Variants in ANO7 observed in about 807,000 individuals in gnomAD.
The protein encoded by ANO7 is anoctamin 7.
A neutral mutation model predicts 115.8 loss-of-function variants in ANO7; 114 were observed. The observed-to-expected ratio is 0.98, with a 90% CI of 0.85 to 1.15. The LOEUF (loss-of-function observed/expected upper bound fraction) is 1.15, where lower values mean the gene tolerates loss of function less well. Among genes scored for constraint, ANO7 ranks in the 50% most tolerant of loss-of-function variants. ANO7 has a pLI of 0.00. For missense variants in ANO7, 1,302 were observed against 1,201.2 expected (o/e 1.08, Z -1.24); for synonymous variants, 550 against 498.2 (o/e 1.10, Z -1.38).
At chr2:241,239,550 G>GT in the ANO7 span, 1 of 1,469,926 alleles carries the variant, frequency 6.8e-7, no homozygotes, top group Non-Finnish European at 9.5e-7. The surrounding 1 kb of genome is among the most constrained non-coding windows in gnomAD (Gnocchi z 4.6). Flanking sequence ...CACGGCTTCG[G>GT]TGAGTGGCCA....
In ANO7 at chr2:241,204,878, C is replaced by G. The variant is rs1262365723; in HGVS notation, c.903C>G (p.Gly301=). The part of the protein sequence containing the change: ...LYFAWLGFYT[G]WLLPAAVVGT... ...TCCTCTCTACAGGGTTTTACACAGG[C>G]TGGCTCCTGCCAGCGGCAGTGGTGG... The change falls in exon 10 of 25, where the codon GGC becomes GGG. Residue 301 remains glycine, a synonymous_variant. Coordinates refer to ENST00000674324, the MANE Select transcript of ANO7 (RefSeq NM_001370694.2). 1 of 1,613,686 alleles carries G rather than the reference C, an allele frequency of 6.2e-7. No homozygotes were observed. Among genetic ancestry groups the G allele is most frequent in the East Asian group, 2.2e-5 (1 of 44,882 alleles).
chr2:241,212,787 C>CCT, intron 17 of ANO7, 161 bp downstream of exon 17: 1 of 705,326 alleles, frequency 1.4e-6, no homozygotes, highest in South Asian at 1.8e-5. Flanking sequence ...GGGCTCCCAG[C>CCT]CTCTCTTCAC....
chr2:241,232,143 C>T, the ANO7 span, among the ~76,000 whole-genome samples: 4 of 152,196 alleles, frequency 2.6e-5, no homozygotes, highest in African/African-American at 9.7e-5. Context: ...GCACCACCCG[C>T]GTGCTGCCAG....
rs1378958788 is a variant in ANO7, at chr2:241,224,121, A to T, written c.2608A>T (p.Thr870Ser). Reference protein sequence around the residue: ...SELSSHWTPFTVPKASQLQQ With the variant: ...SELSSHWTPFSVPKASQLQQ ...GCTCAGCTCCCACTGGACACCCTTCACGGTTCCCAAGGCCAGCCAGCTGCA... is the reference window on the plus strand; with the variant it reads ...GCTCAGCTCCCACTGGACACCCTTCTCGGTTCCCAAGGCCAGCCAGCTGCA... Residue 870 changes from threonine (T) to serine (S), a missense_variant, in exon 25 of 25, where the codon ACG becomes TCG. Transcript: ENST00000674324. 4 of 1,613,548 alleles carry T rather than the reference A, an allele frequency of 2.5e-6. No homozygotes were observed. The African/African-American group carries it at 5.3e-5, about 22-fold the overall frequency.
the ANO7 span, chr2:241,233,698 G>C: frequency 9.5e-7 from 1 of 1,052,438 alleles, no homozygotes; most frequent in Non-Finnish European, 1.4e-6. This position sits in a 1 kb window ranked among gnomAD's most constrained non-coding sequence, Gnocchi z 4.3. Context: ...GGTCCTGAGA[G>C]ACTTGCCACT....
At chr2:241,213,275 G>A (rs1458169840) in intron 17 of ANO7, among the ~76,000 whole-genome samples, 2 of 151,888 alleles carry the variant, frequency 1.3e-5, no homozygotes, top group African/African-American at 2.4e-5. Context: ...CAGGCTTGGC[G>A]TGCTGCCGCC....
Position 241,188,684 on chromosome 2 carries a change from A to G in ANO7, c.-90A>G, listed in dbSNP as rs1483054952. 1 of 1,613,056 alleles carries G rather than the reference A, an allele frequency of 6.2e-7. No homozygotes were observed. Among genetic ancestry groups the G allele is most frequent in the Middle Eastern group, 1.7e-4 (1 of 6,058 alleles). On this transcript the variant is annotated 5_prime_UTR_variant, in exon 1 of 25. Transcript: ENST00000674324. The surrounding 1 kb of genome is among the most constrained non-coding windows in gnomAD (Gnocchi z 4.3). Reference sequence around the variant, plus strand: ...CCCCACCCTCTGTCCCGCAGTGAGGACGGGACTCTACTGCCGAGACCAGGC... The same window carrying G: ...CCCCACCCTCTGTCCCGCAGTGAGGGCGGGACTCTACTGCCGAGACCAGGC...
At position 241,200,198 on chromosome 2, in the gene ANO7, G is replaced by A; in HGVS notation, c.527G>A (p.Cys176Tyr). ...GACGTACCCCCCGAGTACTACTCCT[G>A]CCGGTTCAGAGTGAACAAGCTGCCA... ...VPDVPPEYYS[C>Y]RFRVNKLPRF... is the part of the protein sequence containing the mutation. The change falls in exon 6 of 25, where the codon TGC (cysteine) becomes TAC (tyrosine). Residue 176 changes from cysteine (C) to tyrosine (Y), a missense_variant. Transcript: ENST00000674324. 1 of 1,613,098 alleles carries A rather than the reference G, an allele frequency of 6.2e-7. No individual in the cohort carries two copies. The highest frequency in any genetic ancestry group is 8.5e-7 in the Non-Finnish European group (1 of 1,179,960).
chr2:241,212,999 C>T (rs751757773), intron 17 of ANO7: 7 of 239,992 alleles, frequency 2.9e-5, no homozygotes, highest in African/African-American at 4.6e-5. Context: ...AACCAAAAAC[C>T]CTACCCCACC....
At chr2:241,204,030 G>A (rs965282230) in intron 9 of ANO7, among the ~76,000 whole-genome samples, 3 of 152,094 alleles carry the variant, frequency 2.0e-5, no homozygotes, top group South Asian at 2.1e-4. Context: ...TTTCTCATCC[G>A]CACACACAGC....
In ANO7 at chr2:241,199,389, A is replaced by G; in HGVS notation, c.383A>G (p.Tyr128Cys). Residue 128 changes from tyrosine (Y) to cysteine (C), a missense_variant, in exon 5 of 25, where the codon TAC (tyrosine) becomes TGC (cysteine). Tyr to Cys is a radical substitution (Grantham distance 194). Coordinates refer to ENST00000674324, the MANE Select transcript of ANO7 (RefSeq NM_001370694.2). ...LSASWAVLCY[Y>C]AEDLRLKLPL... ...GCCTCCTGGGCTGTGCTCTGCTACT[A>G]CGCCGAAGACCTGCGCCTGAAGCTG... 1 of 1,613,754 alleles carries G rather than the reference A, an allele frequency of 6.2e-7. No homozygotes were observed. Among genetic ancestry groups the G allele is most frequent in the Non-Finnish European group, 8.5e-7 (1 of 1,179,984 alleles).
intron 1 of ANO7, among the ~76,000 whole-genome samples, chr2:241,189,552 G>T (rs983855042): frequency 6.6e-6 from 1 of 152,130 alleles, no homozygotes; most frequent in Non-Finnish European, 1.5e-5. Context: ...GTGAGGCCGG[G>T]CTCCATCAGG....
At chr2:241,197,380 G>A (rs1053753137) in intron 4 of ANO7, among the ~76,000 whole-genome samples, 1 of 152,074 alleles carries the variant, frequency 6.6e-6, no homozygotes, top group Non-Finnish European at 1.5e-5. Flanking sequence ...GATTACAGGC[G>A]TGAGCCACCG....
Position 241,188,906 on chromosome 2 carries a change from C to A in ANO7, c.-8+140C>A. ...AGGCAGTGCCAGGGCCCGCCCTGGT[C>A]CCCAAAGCCCCTTGGGGCACGAGGA... On this transcript the variant is annotated intron_variant, in intron 1 of 24. Transcript: ENST00000674324. The surrounding 1 kb of genome is among the most constrained non-coding windows in gnomAD (Gnocchi z 4.3). The A allele has an allele frequency of 1.7e-6, 2 of 1,152,446 alleles. No homozygotes were observed. The highest frequency in any genetic ancestry group is 1.2e-6 in the Non-Finnish European group (1 of 837,354). The allele number at this position is 1,152,446 out of a possible 1,614,324, so 71.4% of individuals were successfully genotyped here.
At chr2:241,190,862 C>T (rs1406506224) in intron 2 of ANO7, among the ~76,000 whole-genome samples, 1 of 152,212 alleles carries the variant, frequency 6.6e-6, no homozygotes. Context: ...GGCAGGCACC[C>T]CTGGTCCTGG....
chr2:241,205,088 C>T (rs1221857690), intron 10 of ANO7, 133 bp downstream of exon 10: 1 of 715,568 alleles, frequency 1.4e-6, no homozygotes, highest in South Asian at 1.7e-5. Flanking sequence ...GAGGTGAGCA[C>T]ATGCCTGTCT....
chr2:241,199,021 G>C (rs754321722), intron 4 of ANO7: 7 of 411,380 alleles, frequency 1.7e-5, no homozygotes, highest in African/African-American at 1.2e-4. Context: ...GGCCAGCAGG[G>C]CAAGGCTCTC....
At chr2:241,190,199 G>C (rs369590766) in intron 2 of ANO7, 28 bp downstream of exon 2, 20 of 1,532,614 alleles carry the variant, frequency 1.3e-5, no homozygotes, top group Non-Finnish European at 1.8e-5. Flanking sequence ...ACTGTGGTGC[G>C]ACTTGAGAGG....
chr2:241,191,045 G>C lies in ANO7; in HGVS notation c.109-149G>C, dbSNP rs574709613. The C allele has an allele frequency of 1.8e-4, 161 of 882,562 alleles. No individual in the cohort carries two copies. The East Asian group carries it at 3.9e-3, about 21-fold the overall frequency. The allele number at this position is 882,562 out of a possible 1,614,324, so 54.7% of individuals were successfully genotyped here. On this transcript the variant is annotated intron_variant, in intron 2 of 24. Coordinates refer to ENST00000674324, the MANE Select transcript of ANO7 (RefSeq NM_001370694.2). Reference sequence around the variant, plus strand: ...TTCCCCCTCCACCCCCTACCCACCCGCCGAACATTCTTCTGTGGTCCTGAG... The same window carrying C: ...TTCCCCCTCCACCCCCTACCCACCCCCCGAACATTCTTCTGTGGTCCTGAG...
Sources: gnomAD v4.1 joint callset for allele counts (sites outside exome capture counted in the v4.1 genomes callset) on GRCh38, gnomAD v4.1.1 for gene constraint, Gnocchi (gnomAD v3.1) non-coding constraint, MANE v1.5 for transcripts, NCBI Gene and HGNC (gene_info 2026-07-23, HGNC 2026-07-21) for gene names.